Variants in SUN1 observed in about 807,000 individuals in gnomAD.
The protein encoded by SUN1 is Sad1 and UNC84 domain containing 1, also known as SUN domain-containing protein 1.
In SUN1, 61 loss-of-function variants were observed where a neutral mutation model predicts 103.2. The ratio of observed to expected loss-of-function variants is 0.59; its 90% CI spans 0.48 to 0.73. The LOEUF is 0.73. Ranked by LOEUF, SUN1 falls within the 30% of genes least tolerant of loss-of-function variation. SUN1 has a pLI of 0.00. For synonymous variants in SUN1, 490 were observed against 425.7 expected, an observed-to-expected ratio of 1.15 and a Z score of -1.86; for missense variants, 1,052 against 1,034.6, an observed-to-expected ratio of 1.02 and a Z score of -0.23.
At chr7:844,839 T>C (rs1813724127) in intron 5 of SUN1, among the ~76,000 whole-genome samples, 1 of 152,156 alleles carries the variant, frequency 6.6e-6, no homozygotes, top group African/African-American at 2.4e-5. Flanking sequence ...AGCCTGGAGC[T>C]GAACCCAGGC....
chr7:869,588 T>G (rs1839917824), intron 17 of SUN1, 72 bp downstream of exon 17: 1 of 1,559,438 alleles, frequency 6.4e-7, no homozygotes, highest in East Asian at 2.3e-5. Flanking sequence ...GCAAGTGACG[T>G]GAGCGCACTG....
At position 864,085 on chromosome 7, in the gene SUN1, AATT is replaced by A. The variant is rs1834341837; in HGVS notation, c.1865-1864_1865-1862del. Among the ~76,000 whole-genome samples, 3 of 152,322 alleles carry A rather than the reference AATT, an allele frequency of 2.0e-5. No homozygotes were observed. The South Asian group carries it at 6.2e-4, about 32-fold the overall frequency. On this transcript the variant is annotated intron_variant, in intron 15 of 18. Coordinates refer to ENST00000401592, the MANE Select transcript of SUN1 (RefSeq NM_001130965.3). ...ACTTATGTATTTTAATGGCTTAACT[AATT>A]ATCTATTTTTTAATTTTTGTGGGTA...
Position 874,001 on chromosome 7 carries a change from T to G in SUN1, c.*670T>G, listed in dbSNP as rs542886936. The G allele has an allele frequency of 6.6e-6, 1 of 152,372 alleles. No homozygotes were observed. The highest frequency in any genetic ancestry group is 1.9e-4 in the East Asian group (1 of 5,188). The allele number at this position is 152,372 out of a possible 1,614,324, so 9.4% of individuals were successfully genotyped here. A position where few individuals can be genotyped will look rare whatever the true frequency, so the allele number is the denominator to read the frequency against. On this transcript the variant is annotated 3_prime_UTR_variant, in exon 19 of 19. Transcript: ENST00000401592. ...CTTGTAGGCTGAAGTCAGTCTGACT[T>G]GAAGGGGCCTGGTTTGGATCTAAGC...
chr7:867,778 C>T (rs571983907), intron 16 of SUN1, among the ~76,000 whole-genome samples: 2 of 152,368 alleles, frequency 1.3e-5, no homozygotes, highest in South Asian at 2.1e-4. Context: ...GGTGGAGCCT[C>T]GCCAGAGCGT....
chr7:839,884 CTG>C (rs1390713721), intron 2 of SUN1, among the ~76,000 whole-genome samples: 1 of 152,230 alleles, frequency 6.6e-6, no homozygotes, highest in Non-Finnish European at 1.5e-5. Flanking sequence ...TATTAAAAAT[CTG>C]TGTGTTAACT....
rs997850756 is a variant in SUN1 at position 843,912 on chromosome 7, T to C, written c.658+392T>C. On this transcript the variant is annotated intron_variant, in intron 5 of 18. Transcript: ENST00000401592. Reference sequence around the variant, plus strand: ...TGGTCTGTCCTGTGAAGAGTGGTTATGCCAGTGTTCGTGTCGGGAAAACAT... The same window carrying C: ...TGGTCTGTCCTGTGAAGAGTGGTTACGCCAGTGTTCGTGTCGGGAAAACAT... 3.5e-6 allele frequency: 4 copies of C among 1,158,354 alleles called. No homozygotes were observed. In the Admixed American group the frequency reaches 1.3e-4, roughly 38 times the overall value. 71.8% of individuals were successfully genotyped at this position (1,158,354 alleles called of 1,614,324 possible).
chr7:861,440 G>A lies in SUN1; in HGVS notation c.1840G>A (p.Val614Met). 6.2e-7 allele frequency: 1 copy of A among 1,614,214 alleles called. No homozygotes were observed. The highest frequency in any genetic ancestry group is 8.5e-7 in the Non-Finnish European group (1 of 1,180,042). The change falls in exon 15 of 19, where the codon GTG becomes ATG. Residue 614 changes from valine (V) to methionine (M), a missense_variant. Physicochemically the swap from Val to Met is conservative, Grantham distance 21. Transcript: ENST00000401592. ...KLYSQDKTGM[V>M]DFALESGGGS... Reference sequence around the variant, plus strand: ...GTATTCCCAAGATAAGACCGGGATGGTGGACTTTGCTCTGGAATCTGGTGG... The same window carrying A: ...GTATTCCCAAGATAAGACCGGGATGATGGACTTTGCTCTGGAATCTGGTGG...
chr7:855,802 C>A (rs1296434690), intron 11 of SUN1, among the ~76,000 whole-genome samples: 3 of 151,994 alleles, frequency 2.0e-5, no homozygotes, highest in Non-Finnish European at 4.4e-5. Context: ...CTCTGTCCAC[C>A]CGAGAGGGTC....
At chr7:859,838 C>T (rs1050789776) in intron 13 of SUN1, among the ~76,000 whole-genome samples, 3 of 152,130 alleles carry the variant, frequency 2.0e-5, no homozygotes, top group Non-Finnish European at 4.4e-5. Flanking sequence ...TGGGTGCTTG[C>T]GGGATGGACA....
At position 819,931 on chromosome 7, in the gene SUN1, C is replaced by G. The variant is rs534311292; in HGVS notation, c.-74+3258C>G. Among the ~76,000 whole-genome samples, 4 of 152,254 alleles carry G rather than the reference C, an allele frequency of 2.6e-5. No homozygotes were observed. In the South Asian group the frequency reaches 8.3e-4, roughly 32 times the overall value. ...ACCTTGTTGGCTGGCTGGCCTTGAA[C>G]TCCTGACCTCATGATCTGCCCACCT... On this transcript the variant is annotated intron_variant, in intron 1 of 17. Transcript: ENST00000389574.
At chr7:858,871 T>C (rs7805493) in intron 13 of SUN1, among the ~76,000 whole-genome samples, 24,337 of 152,134 alleles carry the variant, frequency 0.16, 2,057 homozygotes, top group South Asian at 0.24. Flanking sequence ...AAGCATGCGA[T>C]AGGCCGGGCG....
intron 5 of SUN1, chr7:848,281 T>G: frequency 1.3e-6 from 1 of 746,754 alleles, no homozygotes. Flanking sequence ...CACTGCCAGC[T>G]GGGCTCTTCC....
chr7:860,841 A>C (rs1831631057), intron 14 of SUN1, among the ~76,000 whole-genome samples: 1 of 152,200 alleles, frequency 6.6e-6, no homozygotes, highest in South Asian at 2.1e-4. Context: ...GGCAGCAGAC[A>C]AGAGAGTGTA....
upstream of SUN1, chr7:831,018 G>A (rs1185219016): frequency 1.0e-6 from 1 of 985,590 alleles, no homozygotes; most frequent in Non-Finnish European, 1.2e-6. Context: ...CCTGTCCTGT[G>A]CCGGGCTCCT....
At chr7:821,224 C>T (rs1045925551) in intron 1 of SUN1, among the ~76,000 whole-genome samples, 3 of 121,728 alleles carry the variant, frequency 2.5e-5, no homozygotes, top group African/African-American at 9.7e-5. Context: ...GGCTGGAGTG[C>T]AGTGGAGCGA....
rs571704174 is a variant in SUN1 at position 847,175 on chromosome 7, G to T, written c.658+3655G>T. Among the ~76,000 whole-genome samples, 3 of 152,284 alleles carry T rather than the reference G, an allele frequency of 2.0e-5. No individual in the cohort carries two copies. In the East Asian group the frequency reaches 5.8e-4, roughly 29 times the overall value. On this transcript the variant is annotated intron_variant, in intron 5 of 18. Transcript: ENST00000401592. ...TTGGAGTGAAGTGGCCACGGCTCGG[G>T]TACTCTGTAGATGATTGCTAGTGCG...
At chr7:870,056 A>T (rs958085264) in intron 17 of SUN1, among the ~76,000 whole-genome samples, 3 of 150,608 alleles carry the variant, frequency 2.0e-5, no homozygotes, top group Non-Finnish European at 4.4e-5. Context: ...AAAAAAAAAA[A>T]TGAGCCAGGC....
At chr7:857,594 C>T (rs544220088) in intron 12 of SUN1, among the ~76,000 whole-genome samples, 1 of 152,304 alleles carries the variant, frequency 6.6e-6, no homozygotes, top group South Asian at 2.1e-4. Context: ...AGATAGCCTC[C>T]TTGTGCAGTG....
At chr7:824,676 C>T (rs562364218) in intron 1 of SUN1, among the ~76,000 whole-genome samples, 212 of 152,270 alleles carry the variant, frequency 1.4e-3, no homozygotes, top group African/African-American at 5.0e-3. Context: ...TAGAAGTCGT[C>T]GTTTTCTTTG....
Sources: allele counts gnomAD v4.1 joint callset (sites outside exome capture counted in the v4.1 genomes callset), GRCh38; gene constraint gnomAD v4.1.1; transcripts MANE v1.5; gene names NCBI Gene and HGNC (gene_info 2026-07-23, HGNC 2026-07-21).